The following THSD7B variants were observed in gnomAD, a reference collection of about 807,000 sequenced individuals.
THSD7B encodes the protein thrombospondin type-1 domain-containing protein 7B.
THSD7B carries 138 observed loss-of-function variants against 213.6 expected under a neutral mutation model. That is an observed-to-expected ratio of 0.65 (90% confidence interval 0.56 to 0.74). THSD7B has a LOEUF of 0.74. THSD7B is among the 30% of genes least tolerant of loss of function. THSD7B has a pLI of 0.00. For synonymous variants in THSD7B, 742 were observed against 687.0 expected (o/e 1.08, Z -1.25); for missense variants, 1,931 against 1,991.5 (o/e 0.97, Z 0.58).
At chr2:137,505,299 A>C (rs1679808646) in intron 15 of THSD7B, among the ~76,000 whole-genome samples, 2 of 152,226 alleles carry the variant, frequency 1.3e-5, no homozygotes, top group South Asian at 4.1e-4. Context: ...GTTTTTGTTC[A>C]AATGCACATT....
At chr2:137,272,779 A>T in intron 11 of THSD7B, 117 bp downstream of exon 11, 3 of 1,055,528 alleles carry the variant, frequency 2.8e-6, no homozygotes, top group Non-Finnish European at 4.1e-6. Flanking sequence ...TGACATTTAC[A>T]TATCTTCAAA....
intron 15 of THSD7B, among the ~76,000 whole-genome samples, chr2:137,484,119 A>C (rs1688371106): frequency 6.6e-6 from 1 of 150,632 alleles, no homozygotes; most frequent in African/African-American, 2.4e-5. Flanking sequence ...TGCTGCACCC[A>C]TTACCTCGTC....
chr2:136,889,413 T>C (rs1052221399), intron 2 of THSD7B, among the ~76,000 whole-genome samples: 2 of 152,340 alleles, frequency 1.3e-5, no homozygotes, highest in East Asian at 1.9e-4. Flanking sequence ...CTCTCTGTTA[T>C]GTTAGTTAAG....
At chr2:137,270,193 A>C (rs1421378350) in intron 10 of THSD7B, among the ~76,000 whole-genome samples, 1 of 152,138 alleles carries the variant, frequency 6.6e-6, no homozygotes, top group African/African-American at 2.4e-5. Context: ...GGTGAAATAA[A>C]TACCTTGATG....
chr2:137,063,816 A>G (rs1687325250), intron 3 of THSD7B, among the ~76,000 whole-genome samples: 1 of 152,042 alleles, frequency 6.6e-6, no homozygotes. Context: ...AACAACTTCC[A>G]GTTCCATCCA....
chr2:137,343,790 A>G, intron 12 of THSD7B, among the ~76,000 whole-genome samples: 1 of 151,748 alleles, frequency 6.6e-6, no homozygotes. Context: ...ACAGTGTACA[A>G]ATACCACACA....
chr2:137,471,734 G>A (rs1688098991), intron 15 of THSD7B, among the ~76,000 whole-genome samples: 1 of 152,192 alleles, frequency 6.6e-6, no homozygotes, highest in East Asian at 2.0e-4. Context: ...CTTGTGAAAT[G>A]GGGTTTAGGT....
At chr2:136,886,508 A>G (rs1683719584) in intron 2 of THSD7B, among the ~76,000 whole-genome samples, 1 of 152,074 alleles carries the variant, frequency 6.6e-6, no homozygotes, top group Admixed American at 6.5e-5. Flanking sequence ...CGTGCTGGGG[A>G]CATTTGGCAA....
intron 5 of THSD7B, among the ~76,000 whole-genome samples, chr2:137,135,859 A>AC (rs201518141): frequency 6.6e-6 from 1 of 151,916 alleles, no homozygotes; most frequent in Non-Finnish European, 1.5e-5. Flanking sequence ...TAAAAAAAAA[A>AC]CACCTTAGCA....
At chr2:137,022,338 C>T (rs1029519245) in intron 2 of THSD7B, among the ~76,000 whole-genome samples, 1 of 152,106 alleles carries the variant, frequency 6.6e-6, no homozygotes, top group African/African-American at 2.4e-5. Context: ...TGCATCTTTA[C>T]AAGCATTTAG....
intron 1 of THSD7B, among the ~76,000 whole-genome samples, chr2:136,795,317 A>G (rs1384222724): frequency 6.6e-6 from 1 of 151,836 alleles, no homozygotes; most frequent in Non-Finnish European, 1.5e-5. Context: ...TCCATCTTAA[A>G]AGGGGCTGTT....
intron 14 of THSD7B, among the ~76,000 whole-genome samples, chr2:137,430,346 G>C (rs1031858945): frequency 5.3e-5 from 8 of 152,300 alleles, no homozygotes; most frequent in East Asian, 3.9e-4. Flanking sequence ...TGAACTGAAA[G>C]AGACACAACA....
chr2:137,323,358 C>A lies in THSD7B; in HGVS notation c.2500+47332C>A, dbSNP rs988789076. Among the ~76,000 whole-genome samples the A allele has an allele frequency of 3.9e-5, 6 of 152,290 alleles. No homozygotes were observed. The East Asian group carries it at 1.2e-3, about 29-fold the overall frequency. ...GCCCTGGCTCCCAGTTCCTGTCCCC[C>A]ATGAGAAGCTTGATATTCATAATCT... On this transcript the variant is annotated intron_variant, in intron 12 of 27. Coordinates refer to ENST00000409968, the MANE Select transcript of THSD7B (RefSeq NM_001316349.2).
At chr2:136,797,151 T>G (rs1396167573) in intron 1 of THSD7B, among the ~76,000 whole-genome samples, 1 of 151,950 alleles carries the variant, frequency 6.6e-6, no homozygotes, top group Admixed American at 6.6e-5. Context: ...AGAGAGACAC[T>G]CCTGTATATC....
chr2:137,273,647 G>T (rs897067317), intron 11 of THSD7B, among the ~76,000 whole-genome samples: 6 of 152,020 alleles, frequency 3.9e-5, no homozygotes, highest in African/African-American at 1.4e-4. Context: ...AAAGAAGAAA[G>T]ATATCGTTGA....
chr2:137,048,932 G>T (rs997355052), intron 2 of THSD7B, among the ~76,000 whole-genome samples: 2 of 152,180 alleles, frequency 1.3e-5, no homozygotes, highest in Non-Finnish European at 2.9e-5. Context: ...TCAGGAGAAC[G>T]TTGTGTGGGA....
intron 2 of THSD7B, among the ~76,000 whole-genome samples, chr2:136,968,828 C>T (rs1011607495): frequency 3.3e-5 from 5 of 152,102 alleles, no homozygotes; most frequent in African/African-American, 7.2e-5. Context: ...TTTTTCTCCT[C>T]TCCCATCTGT....
intron 3 of THSD7B, among the ~76,000 whole-genome samples, chr2:137,069,787 T>C (rs1687446485): frequency 6.6e-6 from 1 of 151,688 alleles, no homozygotes; most frequent in African/African-American, 2.4e-5. Context: ...CATAATTTGT[T>C]CTTTGAAAGT....
chr2:137,184,487 G>A (rs1170499790), intron 7 of THSD7B, among the ~76,000 whole-genome samples: 1 of 152,154 alleles, frequency 6.6e-6, no homozygotes, highest in East Asian at 1.9e-4. Context: ...CAAAGTCTGA[G>A]CTCCTGAATC....
Sources: allele counts gnomAD v4.1 joint callset (sites outside exome capture counted in the v4.1 genomes callset), GRCh38; gene constraint gnomAD v4.1.1; transcripts MANE v1.5; gene names NCBI Gene and HGNC (gene_info 2026-07-23, HGNC 2026-07-21).